UXS1: variants seen among roughly 807,000 people sequenced by gnomAD.
UXS1 encodes UDP-glucuronic acid decarboxylase 1.
A neutral mutation model predicts 62.6 loss-of-function variants in UXS1; 33 were observed. The observed-to-expected ratio is 0.53, with a 90% CI of 0.40 to 0.70. UXS1 has a LOEUF of 0.70. UXS1 is among the 30% of genes least tolerant of loss of function. The probability of loss-of-function intolerance (pLI) is 0.00; values close to 1 mark genes in which losing one functional copy is unlikely to be tolerated. For synonymous variants in UXS1, 213 were observed against 206.8 expected (o/e 1.03, Z -0.26); for missense variants, 434 against 556.3 (o/e 0.78, Z 2.21).
intron 5 of UXS1, among the ~76,000 whole-genome samples, chr2:106,154,160 G>T (rs1302200124): frequency 6.6e-6 from 1 of 152,146 alleles, no homozygotes; most frequent in Non-Finnish European, 1.5e-5. Flanking sequence ...AGAAATAATG[G>T]CTGAAAACTC....
intron 9 of UXS1, among the ~76,000 whole-genome samples, chr2:106,121,097 AATG>A (rs1289655822): frequency 6.6e-6 from 1 of 152,198 alleles, no homozygotes; most frequent in Non-Finnish European, 1.5e-5. Flanking sequence ...GAACGGGTCC[AATG>A]TTAGCATTTG....
intron 9 of UXS1, among the ~76,000 whole-genome samples, chr2:106,117,058 T>A (rs1679116394): frequency 6.6e-6 from 1 of 152,208 alleles, no homozygotes; most frequent in South Asian, 2.1e-4. Context: ...CATGTTCTCC[T>A]CTCCCCACGT....
chr2:106,143,069 G>T (rs1217957147), intron 6 of UXS1, among the ~76,000 whole-genome samples: 1 of 151,788 alleles, frequency 6.6e-6, no homozygotes, highest in East Asian at 1.9e-4. Flanking sequence ...CTTCTCAGTG[G>T]TACTGAAATT....
intron 12 of UXS1, 41 bp downstream of exon 12, chr2:106,101,017 G>C (rs1209279803): frequency 6.2e-7 from 1 of 1,612,242 alleles, no homozygotes; most frequent in Admixed American, 1.7e-5. Context: ...ATGAACGAAA[G>C]TCTGAGCTGT....
intron 10 of UXS1, among the ~76,000 whole-genome samples, chr2:106,106,227 G>A (rs1285568347): frequency 6.6e-6 from 1 of 152,088 alleles, no homozygotes; most frequent in Admixed American, 6.5e-5. Flanking sequence ...AGCTGGGTGT[G>A]GTGGTGGGCG....
At chr2:106,188,900 G>A (rs1427479626) in intron 1 of UXS1, among the ~76,000 whole-genome samples, 1 of 152,148 alleles carries the variant, frequency 6.6e-6, no homozygotes, top group African/African-American at 2.4e-5. Context: ...ATGAAATGAA[G>A]ACCATGTTTT....
chr2:106,105,877 AG>A (rs2104857781), intron 10 of UXS1, among the ~76,000 whole-genome samples: 1 of 152,270 alleles, frequency 6.6e-6, no homozygotes, highest in African/African-American at 2.4e-5. Flanking sequence ...GCTGGGAAGA[AG>A]GGACTGCCTT....
intron 10 of UXS1, among the ~76,000 whole-genome samples, chr2:106,107,077 C>T (rs1415722127): frequency 2.0e-5 from 3 of 152,184 alleles, no homozygotes; most frequent in Non-Finnish European, 4.4e-5. Context: ...AGGCAACTCC[C>T]GCGTCACAGG....
At chr2:106,100,417 T>G (rs1200758488) in intron 12 of UXS1, among the ~76,000 whole-genome samples, 1 of 152,106 alleles carries the variant, frequency 6.6e-6, no homozygotes, top group Non-Finnish European at 1.5e-5. Flanking sequence ...TGGCCCCAGG[T>G]GGAGAAGTGA....
chr2:106,128,622 G>T (rs1325376307), intron 7 of UXS1, among the ~76,000 whole-genome samples: 6 of 152,114 alleles, frequency 3.9e-5, no homozygotes, highest in African/African-American at 7.2e-5. Flanking sequence ...CTACACCCCT[G>T]GCTTTCTTGG....
intron 5 of UXS1, 28 bp from the exon 6 acceptor site, chr2:106,145,398 T>C (rs371419441): frequency 1.9e-6 from 3 of 1,589,510 alleles, no homozygotes; most frequent in Non-Finnish European, 1.7e-6. Flanking sequence ...GTGCAGAGCA[T>C]TCCCAGAAAA....
At chr2:106,186,383 A>C (rs565122322) in intron 1 of UXS1, among the ~76,000 whole-genome samples, 1 of 152,282 alleles carries the variant, frequency 6.6e-6, no homozygotes, top group African/African-American at 2.4e-5. Context: ...CTTAATCATA[A>C]GGAAACAATC....
At chr2:106,125,894 A>G (rs189822502) in intron 7 of UXS1, among the ~76,000 whole-genome samples, 169 of 152,362 alleles carry the variant, frequency 1.1e-3, no homozygotes, top group African/African-American at 3.8e-3. Context: ...TTTGTTGAAT[A>G]CTTGTCATAA....
chr2:106,128,550 AG>A (rs1211642149), intron 7 of UXS1, among the ~76,000 whole-genome samples: 1 of 152,176 alleles, frequency 6.6e-6, no homozygotes, highest in Non-Finnish European at 1.5e-5. Context: ...AGATGGAGGA[AG>A]GTCAACTGCT....
intron 1 of UXS1, among the ~76,000 whole-genome samples, chr2:106,192,528 TG>T (rs1684997378): frequency 6.7e-6 from 1 of 149,160 alleles, no homozygotes; most frequent in African/African-American, 2.5e-5. Flanking sequence ...CACTCCAGCC[TG>T]GGCTGAACAG....
chr2:106,102,031 A>C (rs1005738819), intron 11 of UXS1: 6 of 152,236 alleles, frequency 3.9e-5, no homozygotes, highest in African/African-American at 1.4e-4. Context: ...TCCAAAAGAA[A>C]ACCGCAGATA....
intron 2 of UXS1, among the ~76,000 whole-genome samples, chr2:106,165,816 A>AC (rs1553435331): frequency 1.3e-5 from 2 of 151,958 alleles, no homozygotes; most frequent in African/African-American, 2.4e-5. Context: ...CAAGGAGGGA[A>AC]GCGGGGGTGG....
At chr2:106,116,255 A>G (rs1679048509) in intron 9 of UXS1, among the ~76,000 whole-genome samples, 1 of 152,242 alleles carries the variant, frequency 6.6e-6, no homozygotes, top group South Asian at 2.1e-4. Context: ...TTATCTTAGA[A>G]AATGACTCCA....
chr2:106,177,714 T>C (rs1409307668), intron 1 of UXS1, among the ~76,000 whole-genome samples: 1 of 152,208 alleles, frequency 6.6e-6, no homozygotes, highest in East Asian at 1.9e-4. Context: ...CCTCACCAGA[T>C]ACTGAATCTG....
Sources: gnomAD v4.1 joint callset for allele counts (sites outside exome capture counted in the v4.1 genomes callset) on GRCh38, gnomAD v4.1.1 for gene constraint, MANE v1.5 for transcripts, NCBI Gene and HGNC (gene_info 2026-07-23, HGNC 2026-07-21) for gene names.